Variants in ARL8B observed in about 807,000 individuals in gnomAD.
ARL8B encodes ARF like GTPase 8B, also known as ADP-ribosylation factor-like protein 8B.
ARL8B carries 9 observed loss-of-function variants against 30.6 expected under a neutral mutation model. The ratio of observed to expected loss-of-function variants is 0.29; its 90% CI spans 0.18 to 0.51. The LOEUF (loss-of-function observed/expected upper bound fraction) is 0.51, where lower values mean the gene tolerates loss of function less well. Ranked by LOEUF, ARL8B falls within the 20% of genes least tolerant of loss-of-function variation. The probability of loss-of-function intolerance (pLI) is 0.97; values close to 1 mark genes in which losing one functional copy is unlikely to be tolerated. For missense variants in ARL8B, 130 were observed against 227.2 expected, an observed-to-expected ratio of 0.57 and a Z score of 2.75; for synonymous variants, 74 against 76.0, an observed-to-expected ratio of 0.97 and a Z score of 0.14.
At chr3:5,150,516 C>T (rs1412223165) in intron 1 of ARL8B, among the ~76,000 whole-genome samples, 5 of 150,368 alleles carry the variant, frequency 3.3e-5, no homozygotes, top group African/African-American at 1.2e-4. Context: ...GGCATGGTGG[C>T]TCACATCTGT....
Position 5,159,511 on chromosome 3 carries a change from A to G in ARL8B, c.124-10992A>G, listed in dbSNP as rs141824026. ...CAGCTACTTGGGAGGCTGAGGCAGG[A>G]GAATCCCTTGAACCTGGGAGGTGGA... On this transcript the variant is annotated intron_variant, in intron 1 of 6. Coordinates refer to ENST00000256496, the MANE Select transcript of ARL8B (RefSeq NM_018184.3). Among the ~76,000 whole-genome samples, 298 of 146,362 alleles carry G rather than the reference A, an allele frequency of 2.0e-3. 7 individuals carry two copies. The highest frequency in any genetic ancestry group is 0.012 in the East Asian group (56 of 4,706).
rs552299204 is a variant in ARL8B, at chr3:5,176,314, T to C, written c.511+1900T>C. Reference sequence around the variant, plus strand: ...GGCAAGATCTTAGCTCACAGCAACCTCCACTTCCCGGGTTCAAGTGATTCT... The same window carrying C: ...GGCAAGATCTTAGCTCACAGCAACCCCCACTTCCCGGGTTCAAGTGATTCT... On this transcript the variant is annotated intron_variant, in intron 6 of 6. Coordinates refer to ENST00000256496, the MANE Select transcript of ARL8B (RefSeq NM_018184.3). Among the ~76,000 whole-genome samples the C allele has an allele frequency of 1.8e-3, 278 of 152,300 alleles. 2 individuals are homozygous for C. The highest frequency in any genetic ancestry group is 6.6e-3 in the South Asian group (32 of 4,822).
chr3:5,151,149 A>G lies in ARL8B; in HGVS notation c.124-19354A>G, dbSNP rs188902020. Among the ~76,000 whole-genome samples, 8 of 152,106 alleles carry G rather than the reference A, an allele frequency of 5.3e-5. No individual in the cohort carries two copies. The East Asian group carries it at 9.7e-4, about 18-fold the overall frequency. ...CTTTTGGTTTCATTGATTTGCTTCA[A>G]AGTTTTTCTGTGTTCAGTATTATTT... On this transcript the variant is annotated intron_variant, in intron 1 of 6. Transcript: ENST00000256496.
chr3:5,180,740 A>C lies in ARL8B; in HGVS notation c.*2027A>C, dbSNP rs2054771425. ...GCTTTATTCAATAAACTTGCATTTT[A>C]AGGGTTGTATTGGCAATTTTAACTT... On this transcript the variant is annotated 3_prime_UTR_variant, in exon 7 of 7. Transcript: ENST00000256496. The C allele has an allele frequency of 6.6e-6, 1 of 152,586 alleles. No homozygotes were observed. The allele number at this position is 152,586 out of a possible 1,614,324, so 9.5% of individuals were successfully genotyped here.
intron 1 of ARL8B, among the ~76,000 whole-genome samples, chr3:5,143,506 G>T (rs1020738701): frequency 6.6e-6 from 1 of 152,164 alleles, no homozygotes; most frequent in Non-Finnish European, 1.5e-5. Context: ...AGGTCCTCCC[G>T]TAGCACAGGT....
intron 1 of ARL8B, among the ~76,000 whole-genome samples, chr3:5,153,327 C>T (rs540159973): frequency 6.1e-4 from 93 of 152,184 alleles, no homozygotes; most frequent in African/African-American, 2.2e-3. Context: ...CAGATCTTTC[C>T]CACGCTGTTT....
At chr3:5,137,437 CTT>C (rs368417212) in intron 1 of ARL8B, among the ~76,000 whole-genome samples, 167 of 132,648 alleles carry the variant, frequency 1.3e-3, no homozygotes, top group Admixed American at 4.5e-3. Context: ...TTAATTTTCT[CTT>C]TTTTTTTTTT....
chr3:5,132,259 T>C (rs1249314596), intron 1 of ARL8B, among the ~76,000 whole-genome samples: 1 of 152,000 alleles, frequency 6.6e-6, no homozygotes, highest in African/African-American at 2.4e-5. Flanking sequence ...ATCATCATTA[T>C]TATTTTTTTT....
intron 1 of ARL8B, among the ~76,000 whole-genome samples, chr3:5,127,868 G>A (rs2616522): frequency 2.9e-5 from 2 of 68,190 alleles, no homozygotes; most frequent in South Asian, 5.0e-4. Flanking sequence ...GCGAGACTCC[G>A]TCTCAAAAAA....
At chr3:5,147,878 C>T (rs1397564298) in intron 1 of ARL8B, among the ~76,000 whole-genome samples, 1 of 149,944 alleles carries the variant, frequency 6.7e-6, no homozygotes, top group Non-Finnish European at 1.5e-5. Flanking sequence ...GGAATTTTCT[C>T]TTTTTCTTGT....
At chr3:5,131,136 C>G (rs1373449071) in intron 1 of ARL8B, among the ~76,000 whole-genome samples, 2 of 152,080 alleles carry the variant, frequency 1.3e-5, no homozygotes, top group African/African-American at 4.8e-5. Context: ...TGGTGTCAAA[C>G]TCCTGTGATC....
chr3:5,147,238 C>A lies in ARL8B; in HGVS notation c.124-23265C>A, dbSNP rs142765447. 7.6e-4 allele frequency among the ~76,000 whole-genome samples: 116 copies of A among 152,248 alleles called. 3 individuals carry two copies. The East Asian group carries it at 0.017, about 23-fold the overall frequency. ...CCTGTGTCCAGGTGTTCTCATTGTT[C>A]AGTTCCCACCTATGAGTGAGAACAT... On this transcript the variant is annotated intron_variant, in intron 1 of 6. Coordinates refer to ENST00000256496, the MANE Select transcript of ARL8B (RefSeq NM_018184.3).
intron 1 of ARL8B, among the ~76,000 whole-genome samples, chr3:5,125,987 T>C (rs2054227070): frequency 6.6e-6 from 1 of 152,158 alleles, no homozygotes. Context: ...CTCATTGTAC[T>C]CCATAAATGT....
At chr3:5,159,556 C>G (rs550070273) in intron 1 of ARL8B, among the ~76,000 whole-genome samples, 3 of 135,532 alleles carry the variant, frequency 2.2e-5, no homozygotes, top group Non-Finnish European at 4.6e-5. Context: ...GAGCTGAGAT[C>G]GCGCCATTGC....
intron 6 of ARL8B, among the ~76,000 whole-genome samples, chr3:5,178,312 A>T (rs2054747916): frequency 7.1e-6 from 1 of 141,110 alleles, no homozygotes; most frequent in Admixed American, 7.0e-5. Context: ...TCTGTGTATT[A>T]TACTTAAAAG....
chr3:5,146,214 T>C (rs2054417512), intron 1 of ARL8B, among the ~76,000 whole-genome samples: 1 of 152,236 alleles, frequency 6.6e-6, no homozygotes, highest in Non-Finnish European at 1.5e-5. Flanking sequence ...CTAGGGGACA[T>C]GCCCAGAATG....
At chr3:5,146,862 G>T (rs113902676) in intron 1 of ARL8B, among the ~76,000 whole-genome samples, 11 of 152,164 alleles carry the variant, frequency 7.2e-5, no homozygotes, top group African/African-American at 2.2e-4. Flanking sequence ...GTGAATTAGG[G>T]AGGAGCAAGC....
chr3:5,139,341 C>A (rs2054352892), intron 1 of ARL8B, among the ~76,000 whole-genome samples: 1 of 152,150 alleles, frequency 6.6e-6, no homozygotes, highest in African/African-American at 2.4e-5. Flanking sequence ...GGCTAGCAGT[C>A]TTTAAAGATA....
At chr3:5,174,786 A>C (rs1371888981) in intron 6 of ARL8B, among the ~76,000 whole-genome samples, 1 of 144,346 alleles carries the variant, frequency 6.9e-6, no homozygotes. Flanking sequence ...ACATAAATAT[A>C]TATATATAAA....
Sources: gnomAD v4.1 joint callset for allele counts (sites outside exome capture counted in the v4.1 genomes callset) on GRCh38, gnomAD v4.1.1 for gene constraint, MANE v1.5 for transcripts, NCBI Gene and HGNC (gene_info 2026-07-23, HGNC 2026-07-21) for gene names.